ZNF804B: variants seen among roughly 807,000 people sequenced by gnomAD.
ZNF804B encodes the protein zinc finger 804B.
A neutral mutation model predicts 101.4 loss-of-function variants in ZNF804B; 80 were observed. The ratio of observed to expected loss-of-function variants is 0.79; its 90% CI spans 0.66 to 0.95. The LOEUF is 0.95. Among genes scored for constraint, ZNF804B ranks in the 40% least tolerant of loss-of-function variants. The pLI, the probability that ZNF804B is intolerant of heterozygous loss-of-function variation, is 0.00. For synonymous variants in ZNF804B, 622 were observed against 558.8 expected (o/e 1.11, Z -1.59); for missense variants, 1,673 against 1,561.9 (o/e 1.07, Z -1.20).
intron 2 of ZNF804B, among the ~76,000 whole-genome samples, chr7:89,271,163 T>C (rs1789887698): frequency 6.6e-6 from 1 of 152,212 alleles, no homozygotes; most frequent in Non-Finnish European, 1.5e-5. Flanking sequence ...AAGGGAATGC[T>C]TCCAGTTTTT....
At chr7:89,207,674 T>A (rs1336388436) in intron 1 of ZNF804B, among the ~76,000 whole-genome samples, 1 of 152,170 alleles carries the variant, frequency 6.6e-6, no homozygotes, top group Admixed American at 6.5e-5. Context: ...GTTATATGAG[T>A]TTTTATACCA....
chr7:89,120,653 G>T (rs1351281173), intron 1 of ZNF804B, among the ~76,000 whole-genome samples: 1 of 19,098 alleles, frequency 5.2e-5, no homozygotes, highest in Admixed American at 3.9e-4. Context: ...GCGAGACTCC[G>T]CCTCAAAAAA....
intron 2 of ZNF804B, among the ~76,000 whole-genome samples, chr7:89,269,462 A>G (rs1789849807): frequency 6.6e-6 from 1 of 152,124 alleles, no homozygotes; most frequent in African/African-American, 2.4e-5. Context: ...CCAGTCTGTC[A>G]TTGGTGGACA....
At chr7:89,274,499 T>C (rs953005479) in intron 2 of ZNF804B, among the ~76,000 whole-genome samples, 1 of 150,876 alleles carries the variant, frequency 6.6e-6, no homozygotes, top group Non-Finnish European at 1.5e-5. Flanking sequence ...CTCATCATTT[T>C]TTATGGCTGC....
At chr7:88,839,790 C>T (rs556499629) in intron 1 of ZNF804B, among the ~76,000 whole-genome samples, 1 of 151,776 alleles carries the variant, frequency 6.6e-6, no homozygotes, top group South Asian at 2.1e-4. Context: ...ATCATTTCTT[C>T]ATCTAAAAAC....
Position 89,334,868 on chromosome 7 carries a change from C to A in ZNF804B, c.1886C>A (p.Ser629Tyr). 6.2e-7 allele frequency: 1 copy of A among 1,613,760 alleles called. No homozygotes were observed. The highest frequency in any genetic ancestry group is 2.2e-5 in the East Asian group (1 of 44,860). ...ATAGATGAGGACCTATCTTTTCCTT[C>A]CTACATCTCTAGGTTTAAAAAGCAT... ...NDIDEDLSFP[S>Y]YISRFKKHKL... Residue 629 changes from serine to tyrosine, a missense_variant, in exon 4 of 4, where the codon TCC becomes TAC. Coordinates refer to ENST00000333190, the MANE Select transcript of ZNF804B (RefSeq NM_181646.5).
intron 1 of ZNF804B, among the ~76,000 whole-genome samples, chr7:89,104,920 A>G (rs143354205): frequency 6.6e-6 from 1 of 152,226 alleles, no homozygotes; most frequent in East Asian, 1.9e-4. Context: ...AGTCAACGCA[A>G]ACATGTTCTT....
At chr7:89,314,773 G>C (rs932336843) in intron 2 of ZNF804B, among the ~76,000 whole-genome samples, 1 of 152,062 alleles carries the variant, frequency 6.6e-6, no homozygotes, top group Non-Finnish European at 1.5e-5. Flanking sequence ...GCCTGATTTG[G>C]GATGGTTTTC....
intron 1 of ZNF804B, among the ~76,000 whole-genome samples, chr7:89,074,168 T>C (rs1249567644): frequency 6.6e-6 from 1 of 152,230 alleles, no homozygotes; most frequent in African/African-American, 2.4e-5. Flanking sequence ...GCCAATACAT[T>C]CTAATTGTTT....
chr7:88,981,224 C>T (rs995982195), intron 1 of ZNF804B, among the ~76,000 whole-genome samples: 3 of 151,992 alleles, frequency 2.0e-5, no homozygotes, highest in Admixed American at 1.3e-4. Flanking sequence ...GATGATAAAT[C>T]CTGCCAGGAG....
At chr7:89,114,678 CA>C (rs1406370904) in intron 1 of ZNF804B, among the ~76,000 whole-genome samples, 1 of 152,032 alleles carries the variant, frequency 6.6e-6, no homozygotes, top group African/African-American at 2.4e-5. Flanking sequence ...CCTGAAAAAA[CA>C]GAATAGAGGA....
intron 1 of ZNF804B, among the ~76,000 whole-genome samples, chr7:89,073,548 T>A (rs1181511727): frequency 6.6e-6 from 1 of 152,202 alleles, no homozygotes; most frequent in Non-Finnish European, 1.5e-5. Context: ...TCTTGAAATT[T>A]TGCATTTGAT....
rs3034325 is a variant in ZNF804B at position 88,937,115 on chromosome 7, C to CAAAAAAA, written c.108+177043_108+177049dup. Among the ~76,000 whole-genome samples, 461 of 110,852 alleles carry CAAAAAAA rather than the reference C, an allele frequency of 4.2e-3. 7 individuals are homozygous for CAAAAAAA. The highest frequency in any genetic ancestry group is 0.014 in the African/African-American group (400 of 29,086). 72.7% of individuals were successfully genotyped at this position (110,852 alleles called of 152,430 possible). A position where few individuals can be genotyped will look rare whatever the true frequency, so the allele number is the denominator to read the frequency against. ...TGCTTTGAAAAAACTATGAGAATAG[C>CAAAAAAA]AAAAAAAAAAAAAAAAAAGTATTAT... On this transcript the variant is annotated intron_variant, in intron 1 of 3. Coordinates refer to ENST00000333190, the MANE Select transcript of ZNF804B (RefSeq NM_181646.5).
chr7:88,934,452 G>A (rs981440162), intron 1 of ZNF804B, among the ~76,000 whole-genome samples: 2 of 151,870 alleles, frequency 1.3e-5, no homozygotes, highest in African/African-American at 4.8e-5. Context: ...AATCAGCAGG[G>A]TAAACAGACA....
intron 1 of ZNF804B, among the ~76,000 whole-genome samples, chr7:88,948,213 T>C (rs1419177242): frequency 6.6e-6 from 1 of 151,178 alleles, no homozygotes; most frequent in Non-Finnish European, 1.5e-5. Context: ...TATTACTGGG[T>C]CTCTATGATA....
intron 2 of ZNF804B, among the ~76,000 whole-genome samples, chr7:89,313,930 T>A (rs965121128): frequency 6.6e-6 from 1 of 152,176 alleles, no homozygotes; most frequent in South Asian, 2.1e-4. Flanking sequence ...GTCGTTTCTC[T>A]TTAAGTCCCT....
chr7:89,187,355 G>C (rs770997878), intron 1 of ZNF804B, among the ~76,000 whole-genome samples: 1 of 152,112 alleles, frequency 6.6e-6, no homozygotes, highest in Admixed American at 6.6e-5. Flanking sequence ...AAATGGGAAA[G>C]TACATCAGTA....
At chr7:89,166,299 G>A (rs372464240) in intron 1 of ZNF804B, among the ~76,000 whole-genome samples, 1 of 152,062 alleles carries the variant, frequency 6.6e-6, no homozygotes, top group African/African-American at 2.4e-5. Flanking sequence ...CTGCACAGTC[G>A]AAAATCCAGG....
At chr7:89,209,259 C>G (rs1788766759) in intron 1 of ZNF804B, among the ~76,000 whole-genome samples, 1 of 151,908 alleles carries the variant, frequency 6.6e-6, no homozygotes, top group Non-Finnish European at 1.5e-5. Context: ...GTTTAATGTG[C>G]TTTTATTTAT....
Sources: gnomAD v4.1 joint callset for allele counts (sites outside exome capture counted in the v4.1 genomes callset) on GRCh38, gnomAD v4.1.1 for gene constraint, MANE v1.5 for transcripts, NCBI Gene and HGNC (gene_info 2026-07-23, HGNC 2026-07-21) for gene names.